STPG2: variants seen among roughly 807,000 people sequenced by gnomAD.
STPG2 encodes the protein sperm tail PG-rich repeat containing 2, also known as sperm-tail PG-rich repeat-containing protein 2.
STPG2 carries 56 observed loss-of-function variants against 54.2 expected under a neutral mutation model. The observed-to-expected ratio is 1.03, with a 90% confidence interval of 0.83 to 1.29. The LOEUF is 1.29. STPG2 is among the 50% of genes most tolerant of loss of function. The probability of loss-of-function intolerance (pLI) is 0.00; values close to 1 mark genes in which losing one functional copy is unlikely to be tolerated. For missense variants in STPG2, 596 were observed against 544.9 expected (o/e 1.09, Z -0.93); for synonymous variants, 200 against 181.8 (o/e 1.10, Z -0.81).
At chr4:97,840,733 A>T (rs1728771242) in intron 9 of STPG2, 40 bp downstream of exon 9, 2 of 1,565,334 alleles carry the variant, frequency 1.3e-6, no homozygotes, top group Non-Finnish European at 1.7e-6. Context: ...AAACCTTAGA[A>T]TTTTTTTCCT....
intron 4 of STPG2, among the ~76,000 whole-genome samples, chr4:97,449,547 A>G (rs72885578): frequency 0.038 from 5,738 of 152,278 alleles, 346 homozygotes; most frequent in African/African-American, 0.13. Context: ...TTAAAGAACG[A>G]AATTAATGGA....
chr4:98,029,732 A>C (rs1017698776), intron 5 of STPG2, among the ~76,000 whole-genome samples: 1 of 152,150 alleles, frequency 6.6e-6, no homozygotes, highest in Non-Finnish European at 1.5e-5. Flanking sequence ...CCCAGTTTGC[A>C]ACGAACACTT....
intron 10 of STPG2, among the ~76,000 whole-genome samples, chr4:97,642,009 T>C (rs1223488801): frequency 2.0e-5 from 3 of 151,474 alleles, no homozygotes; most frequent in Non-Finnish European, 4.4e-5. Context: ...GCATTTAACT[T>C]ATTATGCTCT....
chr4:97,957,906 C>G (rs1733739104), intron 7 of STPG2, among the ~76,000 whole-genome samples: 1 of 152,142 alleles, frequency 6.6e-6, no homozygotes, highest in East Asian at 1.9e-4. Context: ...ACTACAAGAA[C>G]TGCTAAAAGG....
intron 5 of STPG2, among the ~76,000 whole-genome samples, chr4:98,019,735 C>A (rs1186826773): frequency 8.0e-6 from 1 of 124,782 alleles, no homozygotes; most frequent in African/African-American, 3.1e-5. Flanking sequence ...TCCTTCACGT[C>A]CCTCGTAAGG....
chr4:97,965,154 C>T (rs1175530421), intron 7 of STPG2, among the ~76,000 whole-genome samples: 1 of 152,190 alleles, frequency 6.6e-6, no homozygotes, highest in Non-Finnish European at 1.5e-5. Flanking sequence ...GTGCTTTTCC[C>T]ATAGTCTTAG....
chr4:98,055,755 A>AACAT (rs1737461966), intron 5 of STPG2, among the ~76,000 whole-genome samples: 1 of 152,150 alleles, frequency 6.6e-6, no homozygotes, highest in South Asian at 2.1e-4. Flanking sequence ...GAACTGTCAG[A>AACAT]CTTGATCTGT....
chr4:98,128,704 T>C (rs899528994), intron 2 of STPG2, 112 bp from the exon 3 acceptor site: 3 of 876,140 alleles, frequency 3.4e-6, no homozygotes, highest in Non-Finnish European at 5.0e-6. Flanking sequence ...TTAATGAGTT[T>C]CATGATATAA....
rs1483033508 is a variant in STPG2, at chr4:98,020,332, A to G, written c.613-39014T>C. Among the ~76,000 whole-genome samples the G allele has an allele frequency of 2.9e-5, 4 of 137,232 alleles. No individual in the cohort carries two copies. The South Asian group carries it at 9.9e-4, about 34-fold the overall frequency. 90.0% of individuals were successfully genotyped at this position (137,232 alleles called of 152,430 possible). On this transcript the variant is annotated intron_variant, in intron 5 of 10. Transcript: ENST00000295268. ...TGCTGGATTACATTTATTGATTTGC[A>G]TATATTGAACCAGCCTTGCATCCCA...
At chr4:97,520,671 A>G (rs72887281) in intron 4 of STPG2, among the ~76,000 whole-genome samples, 4,201 of 152,124 alleles carry the variant, frequency 0.028, 173 homozygotes, top group African/African-American at 0.097. Context: ...TTTGTGCTCT[A>G]GAGAAGATGC....
chr4:97,837,244 T>A (rs653333), intron 9 of STPG2, among the ~76,000 whole-genome samples: 24,301 of 151,522 alleles, frequency 0.16, 2,082 homozygotes, highest in East Asian at 0.36. Context: ...GAAGCAGAAT[T>A]CTAGGGTCAA....
intron 6 of STPG2, among the ~76,000 whole-genome samples, chr4:97,974,007 G>T (rs1185071569): frequency 6.6e-6 from 1 of 152,158 alleles, no homozygotes; most frequent in Non-Finnish European, 1.5e-5. Context: ...CATGTGCCTG[G>T]AAAAGCTACA....
At chr4:98,077,681 A>G (rs1560668881) in intron 5 of STPG2, among the ~76,000 whole-genome samples, 1 of 152,240 alleles carries the variant, frequency 6.6e-6, no homozygotes, top group Non-Finnish European at 1.5e-5. Flanking sequence ...AAACTATCAC[A>G]CAAGATAAAA....
At chr4:97,569,549 T>C (rs1157992494) in intron 10 of STPG2, among the ~76,000 whole-genome samples, 1 of 152,172 alleles carries the variant, frequency 6.6e-6, no homozygotes, top group Non-Finnish European at 1.5e-5. Context: ...GACACAGTGA[T>C]GGATTAGAAT....
chr4:97,973,709 C>A lies in STPG2; in HGVS notation c.773-1269G>T, dbSNP rs552174741. Among the ~76,000 whole-genome samples, 154 of 152,300 alleles carry A rather than the reference C, an allele frequency of 1.0e-3. No individual in the cohort carries two copies. In the Middle Eastern group the frequency reaches 0.017, roughly 17 times the overall value. On this transcript the variant is annotated intron_variant, in intron 6 of 10. Transcript: ENST00000295268. Reference sequence around the variant, plus strand: ...AACGACTTGGTGCCTTGCATCCCAGCCACTCCAGCCATTGCTGAAAGGAGC... The same window carrying A: ...AACGACTTGGTGCCTTGCATCCCAGACACTCCAGCCATTGCTGAAAGGAGC...
At chr4:97,586,479 A>G (rs1427321885) in intron 10 of STPG2, among the ~76,000 whole-genome samples, 1 of 152,008 alleles carries the variant, frequency 6.6e-6, no homozygotes, top group African/African-American at 2.4e-5. Context: ...AGAGCTGAGT[A>G]AACTCCAAAC....
At chr4:97,827,484 C>G (rs1393295626) in intron 9 of STPG2, among the ~76,000 whole-genome samples, 1 of 152,044 alleles carries the variant, frequency 6.6e-6, no homozygotes, top group Admixed American at 6.6e-5. Flanking sequence ...ATCCACTCAC[C>G]TGGGCCTGCC....
intron 5 of STPG2, among the ~76,000 whole-genome samples, chr4:98,098,304 G>C (rs761214426): frequency 5.9e-5 from 9 of 151,576 alleles, no homozygotes; most frequent in Non-Finnish European, 1.2e-4. Context: ...TAGAGAACCC[G>C]GAAAAAAAAC....
intron 7 of STPG2, among the ~76,000 whole-genome samples, chr4:97,955,687 G>C (rs1488279308): frequency 1.3e-5 from 2 of 152,122 alleles, no homozygotes; most frequent in African/African-American, 4.8e-5. Context: ...CAAAGGTTCT[G>C]CAAACCTCAG....
Sources: allele counts gnomAD v4.1 joint callset (sites outside exome capture counted in the v4.1 genomes callset), GRCh38; gene constraint gnomAD v4.1.1; transcripts MANE v1.5; gene names NCBI Gene and HGNC (gene_info 2026-07-23, HGNC 2026-07-21).